KCNH8: variants seen among roughly 807,000 people sequenced by gnomAD.
KCNH8 encodes potassium voltage-gated channel subfamily H member 8, also known as voltage-gated delayed rectifier potassium channel KCNH8.
A neutral mutation model predicts 103.6 loss-of-function variants in KCNH8; 70 were observed. The ratio of observed to expected loss-of-function variants is 0.68; its 90% CI spans 0.56 to 0.82. The LOEUF (loss-of-function observed/expected upper bound fraction) is 0.82. Ranked by LOEUF, KCNH8 falls within the 40% of genes least tolerant of loss-of-function variation. KCNH8 has a pLI of 0.00. For synonymous variants in KCNH8, 498 were observed against 489.4 expected (o/e 1.02, Z -0.23); for missense variants, 1,217 against 1,329.9 (o/e 0.92, Z 1.32).
chr3:19,312,799 C>T (rs1266647009), intron 3 of KCNH8, among the ~76,000 whole-genome samples: 5 of 151,914 alleles, frequency 3.3e-5, no homozygotes, highest in East Asian at 1.9e-4. Flanking sequence ...CTGTGGAAAT[C>T]ACTGGGTTAG....
At chr3:19,429,135 T>C (rs1016229224) in intron 7 of KCNH8, among the ~76,000 whole-genome samples, 2 of 151,428 alleles carry the variant, frequency 1.3e-5, no homozygotes, top group Non-Finnish European at 2.9e-5. Context: ...TTATATGTTT[T>C]TAAATGCATA....
intron 5 of KCNH8, among the ~76,000 whole-genome samples, chr3:19,353,873 GT>G (rs1412493685): frequency 6.6e-6 from 1 of 152,184 alleles, no homozygotes; most frequent in East Asian, 1.9e-4. Flanking sequence ...AGTGATGGAA[GT>G]TCTGGCCAGG....
In KCNH8 at chr3:19,440,789, C is replaced by T. The variant is rs142982437; in HGVS notation, c.1375+2428C>T. 6.4e-3 allele frequency among the ~76,000 whole-genome samples: 976 copies of T among 152,216 alleles called. 9 individuals carry two copies. The highest frequency in any genetic ancestry group is 0.033 in the South Asian group (157 of 4,816). ...AACATTTATTAGTTGTTTTTATGTT[C>T]CATTCTCTGTTCTAAGTGTTCTGAC... On this transcript the variant is annotated intron_variant, in intron 8 of 15. Transcript: ENST00000328405.
intron 2 of KCNH8, among the ~76,000 whole-genome samples, chr3:19,258,257 A>G (rs1481251806): frequency 6.6e-6 from 1 of 151,990 alleles, no homozygotes; most frequent in African/African-American, 2.4e-5. Flanking sequence ...AAGATTACAA[A>G]CTAGTAAATA....
chr3:19,475,042 A>G (rs2067943120), intron 11 of KCNH8, among the ~76,000 whole-genome samples: 1 of 152,202 alleles, frequency 6.6e-6, no homozygotes, highest in African/African-American at 2.4e-5. Context: ...CAAAGAATCT[A>G]AAGCTTTGAG....
intron 11 of KCNH8, among the ~76,000 whole-genome samples, chr3:19,500,574 A>G (rs2068556971): frequency 6.6e-6 from 1 of 152,366 alleles, no homozygotes; most frequent in East Asian, 1.9e-4. Flanking sequence ...AAATTATAAC[A>G]AACTATCTCT....
rs1198738590 is a variant in KCNH8 at position 19,482,275 on chromosome 3, G to A, written c.2040+25293G>A. Among the ~76,000 whole-genome samples, 8 of 152,142 alleles carry A rather than the reference G, an allele frequency of 5.3e-5. No homozygotes were observed. In the East Asian group the frequency reaches 5.8e-4, roughly 11 times the overall value. Reference sequence around the variant, plus strand: ...TAACTACCAGGCCCCAGGGTGTGGCGCCGGGCTGTCTGCCTGTGGATTTCA... The same window carrying A: ...TAACTACCAGGCCCCAGGGTGTGGCACCGGGCTGTCTGCCTGTGGATTTCA... On this transcript the variant is annotated intron_variant, in intron 11 of 15. Coordinates refer to ENST00000328405, the MANE Select transcript of KCNH8 (RefSeq NM_144633.3).
intron 1 of KCNH8, among the ~76,000 whole-genome samples, chr3:19,229,521 T>G (rs571567503): frequency 6.6e-6 from 1 of 152,166 alleles, no homozygotes; most frequent in African/African-American, 2.4e-5. Flanking sequence ...CTACATTGGC[T>G]CCTTTCAGCC....
At chr3:19,416,773 T>C (rs890706134) in intron 7 of KCNH8, among the ~76,000 whole-genome samples, 2 of 152,190 alleles carry the variant, frequency 1.3e-5, no homozygotes, top group African/African-American at 4.8e-5. Context: ...AAAATTCCTG[T>C]GCCTCATAGA....
At chr3:19,237,122 GT>G (rs1418781000) in intron 1 of KCNH8, among the ~76,000 whole-genome samples, 1 of 152,182 alleles carries the variant, frequency 6.6e-6, no homozygotes, top group Non-Finnish European at 1.5e-5. Flanking sequence ...TTTGAACTTA[GT>G]ATTTATAAAT....
chr3:19,209,223 A>C (rs1053581035), intron 1 of KCNH8, among the ~76,000 whole-genome samples: 6 of 152,066 alleles, frequency 3.9e-5, no homozygotes, highest in Non-Finnish European at 7.4e-5. Context: ...TAGCTTTTAA[A>C]GCATTATGCA....
At chr3:19,209,008 TTATGTC>T (rs1206963453) in intron 1 of KCNH8, among the ~76,000 whole-genome samples, 2 of 151,994 alleles carry the variant, frequency 1.3e-5, no homozygotes, top group Admixed American at 6.6e-5. Flanking sequence ...CTATCTATAT[TTATGTC>T]TATATCTATA....
At chr3:19,279,110 C>A (rs553246934) in intron 2 of KCNH8, among the ~76,000 whole-genome samples, 1 of 152,246 alleles carries the variant, frequency 6.6e-6, no homozygotes, top group African/African-American at 2.4e-5. Context: ...TGTGTCCCCA[C>A]TATTACTTTC....
chr3:19,463,180 G>A (rs1313423800), intron 11 of KCNH8, among the ~76,000 whole-genome samples: 1 of 152,094 alleles, frequency 6.6e-6, no homozygotes, highest in African/African-American at 2.4e-5. Context: ...TAGAGCATCT[G>A]AGGATTTTCA....
intron 5 of KCNH8, among the ~76,000 whole-genome samples, chr3:19,375,048 T>G (rs1419086367): frequency 9.9e-5 from 15 of 151,710 alleles, no homozygotes; most frequent in Non-Finnish European, 2.2e-4. Context: ...ATTTTTTCCT[T>G]CATTTCAACT....
At chr3:19,344,688 T>C (rs942866612) in intron 4 of KCNH8, among the ~76,000 whole-genome samples, 12 of 152,056 alleles carry the variant, frequency 7.9e-5, no homozygotes, top group African/African-American at 2.2e-4. Context: ...GAAGAGGAAA[T>C]GACTTGTATA....
intron 11 of KCNH8, among the ~76,000 whole-genome samples, chr3:19,495,075 G>T (rs529688278): frequency 3.9e-4 from 60 of 152,102 alleles, no homozygotes; most frequent in Non-Finnish European, 6.8e-4. Flanking sequence ...ATTTGTGTAA[G>T]TTCCTTATAG....
chr3:19,424,447 T>C (rs994689912), intron 7 of KCNH8, among the ~76,000 whole-genome samples: 4 of 152,250 alleles, frequency 2.6e-5, no homozygotes, highest in East Asian at 1.9e-4. Context: ...TCTCACCTTA[T>C]ACAAAAATCA....
At chr3:19,473,828 T>A (rs1167211980) in intron 11 of KCNH8, among the ~76,000 whole-genome samples, 1 of 152,190 alleles carries the variant, frequency 6.6e-6, no homozygotes, top group Non-Finnish European at 1.5e-5. Context: ...AAAGAAGCAA[T>A]GTCTTTAATT....
Sources: allele counts gnomAD v4.1 joint callset (sites outside exome capture counted in the v4.1 genomes callset), GRCh38; gene constraint gnomAD v4.1.1; transcripts MANE v1.5; gene names NCBI Gene and HGNC (gene_info 2026-07-23, HGNC 2026-07-21).